Variants in HSF2 observed in about 807,000 individuals in gnomAD.
The protein encoded by HSF2 is heat shock factor protein 2.
Under a neutral mutation model 65.0 loss-of-function variants are expected in HSF2, and 21 were observed. That is an observed-to-expected ratio of 0.32 (90% CI 0.23 to 0.47). HSF2 has a LOEUF of 0.47. Ranked by LOEUF, HSF2 falls within the 20% of genes least tolerant of loss-of-function variation. HSF2 has a pLI of 1.00. For missense variants in HSF2, 499 were observed against 628.1 expected (o/e 0.79, Z 2.20); for synonymous variants, 225 against 219.1 (o/e 1.03, Z -0.24).
At chr6:122,406,020 C>G (rs1386547399) in intron 1 of HSF2, among the ~76,000 whole-genome samples, 1 of 152,198 alleles carries the variant, frequency 6.6e-6, no homozygotes, top group Admixed American at 6.5e-5. Context: ...GCTGCCTCCA[C>G]TGCAGAAGCT....
At chr6:122,428,010 C>T in intron 11 of HSF2, 54 bp downstream of exon 11, 2 of 1,197,744 alleles carry the variant, frequency 1.7e-6, no homozygotes, top group Admixed American at 2.1e-5. Context: ...TCTACAAAAA[C>T]GTCCTAATAA....
Position 122,420,208 on chromosome 6 carries a change from A to C in HSF2, c.667A>C (p.Asn223His). Residue 223 changes from asparagine to histidine, a missense_variant, in exon 7 of 13, where the codon AAT becomes CAT. Transcript: ENST00000368455. ...GCACATAGTCAAAGAACCAACTGAT[A>C]ATCATCATCATAAAGTAATTTTTTA... The part of the protein sequence containing the change: ...FQHIVKEPTD[N>H]HHHKVPHSRT... 1 of 1,597,742 alleles carries C rather than the reference A, an allele frequency of 6.3e-7. No homozygotes were observed.
At chr6:122,414,702 C>T (rs564365499) in intron 4 of HSF2, among the ~76,000 whole-genome samples, 13 of 152,288 alleles carry the variant, frequency 8.5e-5, no homozygotes, top group Non-Finnish European at 1.5e-5. Context: ...TCTTACCTCA[C>T]TGCAATCTCC....
At chr6:122,421,531 T>G (rs1774235440) in intron 7 of HSF2, among the ~76,000 whole-genome samples, 1 of 151,634 alleles carries the variant, frequency 6.6e-6, no homozygotes, top group South Asian at 2.1e-4. Context: ...GTATTGGAAT[T>G]TATAGTTTTT....
intron 6 of HSF2, among the ~76,000 whole-genome samples, chr6:122,419,569 T>C (rs1239938961): frequency 6.6e-6 from 1 of 151,788 alleles, no homozygotes; most frequent in Non-Finnish European, 1.5e-5. Context: ...AAAAAAAAAA[T>C]GAAAATTTGT....
At chr6:122,429,979 T>G (rs1163181900) in intron 11 of HSF2, among the ~76,000 whole-genome samples, 1 of 152,182 alleles carries the variant, frequency 6.6e-6, no homozygotes, top group Admixed American at 6.5e-5. Flanking sequence ...CTTTTTTTGT[T>G]GTGTCTCTGC....
At chr6:122,408,603 A>G (rs1230591765) in intron 1 of HSF2, among the ~76,000 whole-genome samples, 4 of 152,142 alleles carry the variant, frequency 2.6e-5, no homozygotes, top group Non-Finnish European at 4.4e-5. Context: ...TAATTTTTGT[A>G]TATTGATAAT....
chr6:122,425,192 C>T (rs941552628), intron 10 of HSF2, among the ~76,000 whole-genome samples: 12 of 152,076 alleles, frequency 7.9e-5, no homozygotes, highest in African/African-American at 2.4e-4. Context: ...GCTTCTCTAA[C>T]TCCTTTACTA....
At chr6:122,428,460 T>G (rs181556756) in intron 11 of HSF2, among the ~76,000 whole-genome samples, 31 of 152,062 alleles carry the variant, frequency 2.0e-4, no homozygotes, top group Admixed American at 2.0e-3. Flanking sequence ...TTTTGACATA[T>G]AGGAACTGCA....
intron 1 of HSF2, among the ~76,000 whole-genome samples, chr6:122,407,674 C>G (rs1302792237): frequency 6.6e-6 from 1 of 151,830 alleles, no homozygotes; most frequent in Non-Finnish European, 1.5e-5. Context: ...CAGTTTGTGG[C>G]TTTTTACATT....
chr6:122,413,296 G>A (rs947481498), intron 3 of HSF2, among the ~76,000 whole-genome samples: 3 of 141,694 alleles, frequency 2.1e-5, no homozygotes, highest in African/African-American at 7.9e-5. Context: ...ATTCCTGCTT[G>A]CGGAAACTTT....
At chr6:122,402,715 G>A (rs558685099) in intron 1 of HSF2, among the ~76,000 whole-genome samples, 29 of 152,130 alleles carry the variant, frequency 1.9e-4, no homozygotes, top group African/African-American at 7.0e-4. Context: ...ACCATGCCTG[G>A]CTAATTTTTG....
intron 9 of HSF2, 106 bp downstream of exon 9, chr6:122,423,063 A>G: frequency 8.2e-7 from 1 of 1,218,110 alleles, no homozygotes; most frequent in Non-Finnish European, 1.2e-6. Context: ...GAACCCACAT[A>G]GTCCACCTTT....
At chr6:122,412,849 A>G in intron 3 of HSF2, 85 bp downstream of exon 3, 1 of 1,236,756 alleles carries the variant, frequency 8.1e-7, no homozygotes, top group Non-Finnish European at 1.2e-6. Flanking sequence ...TTGAAAGTAC[A>G]GAAATGCACA....
At chr6:122,414,167 T>C (rs1355844451) in intron 4 of HSF2, among the ~76,000 whole-genome samples, 1 of 152,210 alleles carries the variant, frequency 6.6e-6, no homozygotes, top group Non-Finnish European at 1.5e-5. Flanking sequence ...AAAGTGTTAT[T>C]CAGAGCTTTT....
At chr6:122,408,880 C>T (rs1171094752) in intron 1 of HSF2, among the ~76,000 whole-genome samples, 34 of 141,948 alleles carry the variant, frequency 2.4e-4, no homozygotes, top group Admixed American at 5.7e-4. Flanking sequence ...CAAATGTTGT[C>T]GGGTGACTTA....
chr6:122,401,214 A>G (rs1456000740), intron 1 of HSF2, among the ~76,000 whole-genome samples: 1 of 152,212 alleles, frequency 6.6e-6, no homozygotes, highest in Non-Finnish European at 1.5e-5. Flanking sequence ...ACAATTGTAC[A>G]AAGCTAGGTG....
rs1205581235 is a variant in HSF2 at position 122,426,954 on chromosome 6, G to A, written c.1177-949G>A. 3.3e-5 allele frequency among the ~76,000 whole-genome samples: 5 copies of A among 151,876 alleles called. No individual in the cohort carries two copies. The South Asian group carries it at 6.2e-4, about 19-fold the overall frequency. ...ATATCCTACCTTCTTTGTTGATGCC[G>A]CTAGTATTATACCCGTGTGTTCTTC... On this transcript the variant is annotated intron_variant, in intron 10 of 12. Coordinates refer to ENST00000368455, the MANE Select transcript of HSF2 (RefSeq NM_004506.4).
upstream of HSF2, chr6:122,399,631 T>C: frequency 1.1e-6 from 1 of 892,614 alleles, no homozygotes; most frequent in Middle Eastern, 2.5e-4. Flanking sequence ...GACCAAGATC[T>C]GCTGCGCCTG....
Sources: allele counts gnomAD v4.1 joint callset (sites outside exome capture counted in the v4.1 genomes callset), GRCh38; gene constraint gnomAD v4.1.1; transcripts MANE v1.5; gene names NCBI Gene and HGNC (gene_info 2026-07-23, HGNC 2026-07-21).